Variants in CDH13 observed in about 807,000 individuals in gnomAD.
CDH13 encodes cadherin-13.
CDH13 carries 24 observed loss-of-function variants against 63.8 expected under a neutral mutation model. That is an observed-to-expected ratio of 0.38 (90% CI 0.27 to 0.53). The LOEUF is 0.53. CDH13 is among the 20% of genes least tolerant of loss of function. The pLI is 0.85. For missense variants in CDH13, 1,049 were observed against 903.1 expected, an observed-to-expected ratio of 1.16 and a Z score of -2.07; for synonymous variants, 503 against 355.3, an observed-to-expected ratio of 1.42 and a Z score of -4.67.
intron 3 of CDH13, among the ~76,000 whole-genome samples, chr16:83,033,446 A>T (rs1916561940): frequency 6.6e-6 from 1 of 152,296 alleles, no homozygotes; most frequent in East Asian, 1.9e-4. Flanking sequence ...TGGTGACTTC[A>T]GTATATATAT....
chr16:83,092,821 G>C (rs1047753010), intron 3 of CDH13, among the ~76,000 whole-genome samples: 8 of 152,152 alleles, frequency 5.3e-5, no homozygotes, highest in African/African-American at 1.9e-4. Context: ...TCCAAATTTA[G>C]TACATTAATT....
chr16:83,518,364 C>G (rs1036327413), intron 7 of CDH13, among the ~76,000 whole-genome samples: 3 of 151,718 alleles, frequency 2.0e-5, no homozygotes, highest in African/African-American at 7.3e-5. Context: ...CCAGGATGGT[C>G]TCGATCTCCT....
chr16:83,327,659 G>A (rs1465198564), intron 5 of CDH13, among the ~76,000 whole-genome samples: 2 of 152,190 alleles, frequency 1.3e-5, no homozygotes, highest in Non-Finnish European at 2.9e-5. Flanking sequence ...GTGAAAACAA[G>A]GTTGGGATTA....
chr16:83,593,895 G>A (rs559268159), intron 7 of CDH13, among the ~76,000 whole-genome samples: 2 of 152,174 alleles, frequency 1.3e-5, no homozygotes, highest in African/African-American at 2.4e-5. Context: ...TAGGTGCTGG[G>A]GAAAACGGTA....
chr16:83,261,947 G>T lies in CDH13; in HGVS notation c.636+44450G>T, dbSNP rs544218884. On this transcript the variant is annotated intron_variant, in intron 5 of 13. Transcript: ENST00000567109. Reference sequence around the variant, plus strand: ...TTCCCTCCCTTTGCTGATCAGATTTGTTCTGTTCCATTCCGGAGTCACTGC... The same window carrying T: ...TTCCCTCCCTTTGCTGATCAGATTTTTTCTGTTCCATTCCGGAGTCACTGC... Among the ~76,000 whole-genome samples, 18 of 152,212 alleles carry T rather than the reference G, an allele frequency of 1.2e-4. No homozygotes were observed. The South Asian group carries it at 3.7e-3, about 32-fold the overall frequency.
At chr16:82,698,705 G>A (rs1157837235) in intron 1 of CDH13, among the ~76,000 whole-genome samples, 5 of 152,174 alleles carry the variant, frequency 3.3e-5, no homozygotes, top group African/African-American at 1.2e-4. Context: ...AAGAGGGAGG[G>A]CACTGAATAG....
At chr16:83,029,384 G>A (rs1296401231) in intron 2 of CDH13, among the ~76,000 whole-genome samples, 1 of 152,154 alleles carries the variant, frequency 6.6e-6, no homozygotes, top group Non-Finnish European at 1.5e-5. Context: ...ACAATATTTG[G>A]AGCCCCAAAG....
chr16:83,393,159 G>C (rs1165728090), intron 6 of CDH13, among the ~76,000 whole-genome samples: 1 of 152,212 alleles, frequency 6.6e-6, no homozygotes, highest in Non-Finnish European at 1.5e-5. Context: ...GCTATTCCGT[G>C]AGACCATGTC....
At chr16:83,617,563 T>C (rs978523081) in intron 8 of CDH13, among the ~76,000 whole-genome samples, 5 of 151,376 alleles carry the variant, frequency 3.3e-5, no homozygotes, top group African/African-American at 1.2e-4. Flanking sequence ...CATATCTCAA[T>C]ATGCACATAT....
intron 3 of CDH13, among the ~76,000 whole-genome samples, chr16:83,045,576 A>G (rs1335190383): frequency 4.0e-5 from 6 of 149,648 alleles, no homozygotes; most frequent in African/African-American, 9.9e-5. Flanking sequence ...GGCAGAGGTC[A>G]CAGTGATCCA....
Position 82,863,136 on chromosome 16 carries a change from G to A in CDH13, c.157+4663G>A, listed in dbSNP as rs147277417. On this transcript the variant is annotated intron_variant, in intron 2 of 13. Transcript: ENST00000567109. ...ACAAAGATCCTAACAAAATGATGTC[G>A]CCTATATCAGAAAGAGACATAAATA... 4.9e-4 allele frequency among the ~76,000 whole-genome samples: 74 copies of A among 152,210 alleles called. 1 individual carries two copies. The highest frequency in any genetic ancestry group is 1.5e-3 in the African/African-American group (63 of 41,530).
chr16:83,011,190 G>A (rs918704805), intron 2 of CDH13, among the ~76,000 whole-genome samples: 1 of 152,102 alleles, frequency 6.6e-6, no homozygotes, highest in Non-Finnish European at 1.5e-5. Flanking sequence ...TTGGAGACTA[G>A]GTTTTTCTAC....
chr16:83,333,561 A>C (rs1331567723), intron 5 of CDH13, among the ~76,000 whole-genome samples: 1 of 152,158 alleles, frequency 6.6e-6, no homozygotes, highest in Non-Finnish European at 1.5e-5. Context: ...TGGCATTCCA[A>C]GGTCACCATA....
intron 13 of CDH13, among the ~76,000 whole-genome samples, chr16:83,789,351 G>A (rs2875821): frequency 7.3e-6 from 1 of 137,912 alleles, no homozygotes; most frequent in African/African-American, 2.8e-5. Context: ...TTTTTTGTTT[G>A]TCTGTTTTGT....
At chr16:83,557,809 C>T (rs749632210) in intron 7 of CDH13, among the ~76,000 whole-genome samples, 1 of 152,092 alleles carries the variant, frequency 6.6e-6, no homozygotes, top group Non-Finnish European at 1.5e-5. Context: ...CAGACTTCCC[C>T]AGCCACCTGT....
At chr16:83,003,082 A>G (rs1266544358) in intron 2 of CDH13, among the ~76,000 whole-genome samples, 6 of 152,230 alleles carry the variant, frequency 3.9e-5, no homozygotes, top group Admixed American at 6.5e-5. Flanking sequence ...AGGAATCTTA[A>G]TTTGATGCCA....
At chr16:82,669,656 G>T (rs1284553886) in intron 1 of CDH13, among the ~76,000 whole-genome samples, 3 of 152,246 alleles carry the variant, frequency 2.0e-5, no homozygotes, top group Non-Finnish European at 4.4e-5. Flanking sequence ...CAATTAAGAT[G>T]CTGTTTCTTC....
At chr16:83,629,211 A>G (rs1910572279) in intron 8 of CDH13, among the ~76,000 whole-genome samples, 1 of 152,358 alleles carries the variant, frequency 6.6e-6, no homozygotes, top group Non-Finnish European at 1.5e-5. Flanking sequence ...TCATACCTGC[A>G]CAATTTACCT....
chr16:82,859,330 G>A (rs1025606527), intron 2 of CDH13: 1 of 152,422 alleles, frequency 6.6e-6, no homozygotes, highest in Admixed American at 6.5e-5. Flanking sequence ...GGCCGAGGAG[G>A]ATGGATGGCT....
Sources: gnomAD v4.1 joint callset for allele counts (sites outside exome capture counted in the v4.1 genomes callset) on GRCh38, gnomAD v4.1.1 for gene constraint, MANE v1.5 for transcripts, NCBI Gene and HGNC (gene_info 2026-07-23, HGNC 2026-07-21) for gene names.